The following TUFT1 variants were observed in gnomAD, a reference collection of about 807,000 sequenced individuals.
The protein encoded by TUFT1 is tuftelin.
A neutral mutation model predicts 57.8 loss-of-function variants in TUFT1; 43 were observed. That is an observed-to-expected ratio of 0.74 (90% CI 0.58 to 0.96). The LOEUF is 0.96. Ranked by LOEUF, TUFT1 falls within the 40% of genes least tolerant of loss-of-function variation. TUFT1 has a pLI of 0.00. For missense variants in TUFT1, 459 were observed against 489.0 expected, an observed-to-expected ratio of 0.94 and a Z score of 0.58; for synonymous variants, 166 against 176.7, an observed-to-expected ratio of 0.94 and a Z score of 0.48.
At chr1:151,575,907 C>T (rs537286188) in intron 9 of TUFT1, among the ~76,000 whole-genome samples, 3 of 152,254 alleles carry the variant, frequency 2.0e-5, no homozygotes, top group East Asian at 1.9e-4. Context: ...GGAAAATACA[C>T]GTGTCATATT....
At chr1:151,556,412 A>AC (rs1665700716) in intron 1 of TUFT1, among the ~76,000 whole-genome samples, 1 of 22,008 alleles carries the variant, frequency 4.5e-5, no homozygotes, top group Non-Finnish European at 9.7e-5. Flanking sequence ...CTCCCTTCCC[A>AC]CCCCCCAGCT....
At chr1:151,573,800 C>A (rs909691739) in intron 7 of TUFT1, among the ~76,000 whole-genome samples, 1 of 152,102 alleles carries the variant, frequency 6.6e-6, no homozygotes, top group Non-Finnish European at 1.5e-5. Context: ...TGCTTAGTAG[C>A]CCTTCCAGGT....
intron 1 of TUFT1, among the ~76,000 whole-genome samples, chr1:151,554,100 G>C (rs1665594918): frequency 6.6e-6 from 1 of 152,156 alleles, no homozygotes; most frequent in South Asian, 2.1e-4. Context: ...AAGTAGTACA[G>C]AGAACTCTTA....
chr1:151,570,140 C>T (rs1346557028), intron 7 of TUFT1, among the ~76,000 whole-genome samples: 2 of 152,146 alleles, frequency 1.3e-5, no homozygotes, highest in African/African-American at 4.8e-5. Flanking sequence ...CCCGAGTCTC[C>T]AGTGTCTGGT....
intron 1 of TUFT1, chr1:151,557,536 C>T: frequency 2.4e-6 from 3 of 1,230,994 alleles, no homozygotes; most frequent in Non-Finnish European, 3.6e-6. Flanking sequence ...CATGCCTAAG[C>T]ACCGGGAGCT....
intron 10 of TUFT1, 60 bp from the exon 11 acceptor site, chr1:151,579,589 C>T (rs913148716): frequency 6.2e-5 from 98 of 1,574,486 alleles, no homozygotes; most frequent in Non-Finnish European, 4.8e-5. Context: ...GGGGTGAAGT[C>T]TGGTGAGTGT....
At chr1:151,565,946 T>C (rs1666057288) in intron 5 of TUFT1, 1 of 466,222 alleles carries the variant, frequency 2.1e-6, no homozygotes, top group Non-Finnish European at 3.9e-6. Flanking sequence ...GCTAGAAATC[T>C]TTTCTTCTTT....
chr1:151,579,838 C>G (rs1386779718), intron 11 of TUFT1, 106 bp downstream of exon 11: 1 of 1,134,354 alleles, frequency 8.8e-7, no homozygotes, highest in African/African-American at 1.6e-5. Flanking sequence ...CTTGCTGTTG[C>G]TCTGAAGTGA....
chr1:151,573,187 G>A (rs1558013578), intron 7 of TUFT1, among the ~76,000 whole-genome samples: 1 of 152,210 alleles, frequency 6.6e-6, no homozygotes, highest in Non-Finnish European at 1.5e-5. Context: ...TGTGCCATCA[G>A]GACACTGACA....
At chr1:151,543,325 ATATGTGTG>A (rs1665226559) in intron 1 of TUFT1, among the ~76,000 whole-genome samples, 1 of 83,340 alleles carries the variant, frequency 1.2e-5, no homozygotes, top group African/African-American at 3.9e-5. Context: ...AGTTATATAT[ATATGTGTG>A]TGTGTGTGTG....
intron 1 of TUFT1, among the ~76,000 whole-genome samples, chr1:151,547,210 G>A (rs1054185394): frequency 6.6e-6 from 1 of 152,220 alleles, no homozygotes; most frequent in Non-Finnish European, 1.5e-5. Flanking sequence ...CCAGGAATTT[G>A]GGGAATGCTG....
Position 151,569,949 on chromosome 1 carries a change from T to C in TUFT1, c.594+179T>C, listed in dbSNP as rs948522944. On this transcript the variant is annotated intron_variant, in intron 7 of 12. Transcript: ENST00000368849. ...CCCTCTCCTGGACGTTTACACTGTT[T>C]ACTGTCCAAGGCCAGCCCATAGTTC... 7 of 563,128 alleles carry C rather than the reference T, an allele frequency of 1.2e-5. No individual in the cohort carries two copies. In the African/African-American group the frequency reaches 1.3e-4, roughly 11 times the overall value. The allele number at this position is 563,128 out of a possible 1,614,324, so 34.9% of individuals were successfully genotyped here.
At chr1:151,562,308 C>T in intron 2 of TUFT1, 143 bp downstream of exon 2, 1 of 744,294 alleles carries the variant, frequency 1.3e-6, no homozygotes, top group Non-Finnish European at 2.3e-6. Flanking sequence ...CAGCTTGCCT[C>T]AGCCTTCTGC....
chr1:151,574,299 A>C lies in TUFT1; in HGVS notation c.624A>C (p.Ala208=). 1 of 1,614,156 alleles carries C rather than the reference A, an allele frequency of 6.2e-7. No homozygotes were observed. The stretch of plus-strand genomic sequence containing the variant: ...CACTCAGCCGGTACCAGAGGGAAGC[A>C]GAACAAAGTAATGTGGCCCTTCAGA... ...EVTLSRYQRE[A]EQSNVALQRE... is the part of the protein sequence containing the mutation. Residue 208 remains alanine (A), a synonymous_variant, in exon 8 of 13, where the codon GCA becomes GCC. Coordinates refer to ENST00000368849, the MANE Select transcript of TUFT1 (RefSeq NM_020127.3).
At chr1:151,565,638 C>A (rs577641694) in intron 5 of TUFT1, among the ~76,000 whole-genome samples, 2 of 152,216 alleles carry the variant, frequency 1.3e-5, no homozygotes. Flanking sequence ...TTGCACAAAC[C>A]GGCTGTCATA....
chr1:151,581,540 G>A (rs1255401714), intron 12 of TUFT1, 104 bp from the exon 13 acceptor site: 3 of 1,135,204 alleles, frequency 2.6e-6, no homozygotes, highest in African/African-American at 1.5e-5. Context: ...GCACTGCAGT[G>A]TAAGATTCCA....
At chr1:151,572,255 C>G (rs1462702286) in intron 7 of TUFT1, among the ~76,000 whole-genome samples, 1 of 151,954 alleles carries the variant, frequency 6.6e-6, no homozygotes, top group African/African-American at 2.4e-5. Flanking sequence ...GGAGGTGCTC[C>G]TCGGGTCATT....
At chr1:151,581,190 C>A in intron 12 of TUFT1, 148 bp downstream of exon 12, 1 of 740,762 alleles carries the variant, frequency 1.3e-6, no homozygotes, top group Non-Finnish European at 2.2e-6. Flanking sequence ...TTGCCGGAAC[C>A]ATTTTCTAGC....
chr1:151,558,781 C>CTTTTTTTTTTTTT (rs56003478), intron 1 of TUFT1, among the ~76,000 whole-genome samples: 1 of 142,056 alleles, frequency 7.0e-6, no homozygotes, highest in Non-Finnish European at 1.5e-5. Context: ...AGATAGTGTC[C>CTTTTTTTTTTTTT]TTTTTTTTTT....
Sources: allele counts gnomAD v4.1 joint callset (sites outside exome capture counted in the v4.1 genomes callset), GRCh38; gene constraint gnomAD v4.1.1; transcripts MANE v1.5; gene names NCBI Gene and HGNC (gene_info 2026-07-23, HGNC 2026-07-21).